Variants in LIMS1 observed in about 807,000 individuals in gnomAD.
LIMS1 encodes LIM and senescent cell antigen-like-containing domain protein 1.
In LIMS1, 18 loss-of-function variants were observed where a neutral mutation model predicts 44.1. That is an observed-to-expected ratio of 0.41 (90% CI 0.28 to 0.61). The LOEUF is 0.61. Among genes scored for constraint, LIMS1 ranks in the 20% least tolerant of loss-of-function variants. The pLI, the probability that LIMS1 is intolerant of heterozygous loss-of-function variation, is 0.32. For synonymous variants in LIMS1, 93 were observed against 149.1 expected, an observed-to-expected ratio of 0.62 and a Z score of 2.74; for missense variants, 201 against 422.0, an observed-to-expected ratio of 0.48 and a Z score of 4.59.
chr2:108,579,002 A>G (rs1685784285), intron 1 of LIMS1, among the ~76,000 whole-genome samples: 1 of 152,226 alleles, frequency 6.6e-6, no homozygotes, highest in Non-Finnish European at 1.5e-5. Context: ...TCAGGTTAGC[A>G]TCCTGGATTC....
chr2:108,675,479 G>A (rs1409403048), intron 5 of LIMS1, among the ~76,000 whole-genome samples: 1 of 152,150 alleles, frequency 6.6e-6, no homozygotes, highest in African/African-American at 2.4e-5. Flanking sequence ...CAGAATTGGG[G>A]ATCATGAACT....
intron 8 of LIMS1, among the ~76,000 whole-genome samples, chr2:108,678,947 G>A (rs1178577337): frequency 1.3e-5 from 2 of 152,168 alleles, no homozygotes; most frequent in Admixed American, 6.5e-5. Context: ...AGTTGCTGGT[G>A]TAAGACATGG....
intron 2 of LIMS1, among the ~76,000 whole-genome samples, chr2:108,667,412 C>T (rs1168207403): frequency 2.0e-5 from 3 of 151,888 alleles, no homozygotes; most frequent in African/African-American, 7.3e-5. Flanking sequence ...AGATTTTGAA[C>T]GCAGGCAGTC....
intron 1 of LIMS1, among the ~76,000 whole-genome samples, chr2:108,545,491 G>A (rs573911721): frequency 1.1e-4 from 16 of 152,204 alleles, no homozygotes; most frequent in African/African-American, 3.4e-4. Context: ...GCCTCGCCTC[G>A]GCTTCCCAAA....
At chr2:108,603,800 G>T (rs1237770236) in intron 1 of LIMS1, among the ~76,000 whole-genome samples, 1 of 151,752 alleles carries the variant, frequency 6.6e-6, no homozygotes, top group Non-Finnish European at 1.5e-5. Context: ...CTGACTAAAG[G>T]TTTATCAATT....
Position 108,552,355 on chromosome 2 carries a change from CTATA to C in LIMS1, c.32+17764_32+17767del, listed in dbSNP as rs577028714. Among the ~76,000 whole-genome samples the C allele has an allele frequency of 9.7e-3, 1,325 of 135,958 alleles. 6 individuals are homozygous for C. Among genetic ancestry groups the C allele is most frequent in the Non-Finnish European group, 0.016 (1,007 of 64,508 alleles). The allele number at this position is 135,958 out of a possible 152,430, so 89.2% of individuals were successfully genotyped here. A position where few individuals can be genotyped will look rare whatever the true frequency, so the allele number is the denominator to read the frequency against. On this transcript the variant is annotated intron_variant, in intron 1 of 9. Transcript: ENST00000544547. ...CTATACGTGTAGTATATATATGAAA[CTATA>C]TACTATACGTATAGTATATATATGA...
intron 1 of LIMS1, among the ~76,000 whole-genome samples, chr2:108,632,851 A>C (rs1253197167): frequency 6.6e-6 from 1 of 152,164 alleles, no homozygotes; most frequent in Non-Finnish European, 1.5e-5. Context: ...AAGTCTGTTT[A>C]TATAAGCAGT....
intron 1 of LIMS1, among the ~76,000 whole-genome samples, chr2:108,642,410 A>G (rs1689755960): frequency 8.3e-6 from 1 of 120,874 alleles, no homozygotes; most frequent in Non-Finnish European, 1.6e-5. Context: ...CCCAGGCTGG[A>G]GTGCAGTGGC....
intron 2 of LIMS1, among the ~76,000 whole-genome samples, chr2:108,669,881 T>C (rs576669206): frequency 6.6e-6 from 1 of 152,330 alleles, no homozygotes; most frequent in South Asian, 2.1e-4. Context: ...GATATGCTTT[T>C]CAAGTAAACA....
chr2:108,642,712 C>T (rs1457480964), intron 1 of LIMS1, among the ~76,000 whole-genome samples: 1 of 152,174 alleles, frequency 6.6e-6, no homozygotes, highest in Non-Finnish European at 1.5e-5. Context: ...CTGCTATTTT[C>T]ATGACTTTAT....
intron 1 of LIMS1, among the ~76,000 whole-genome samples, chr2:108,602,484 GT>G (rs371068584): frequency 5.3e-5 from 8 of 152,032 alleles, no homozygotes; most frequent in African/African-American, 1.9e-4. Flanking sequence ...TTTTTTGAGG[GT>G]TTTTTAAAAT....
intron 1 of LIMS1, among the ~76,000 whole-genome samples, chr2:108,536,308 A>G (rs1332126922): frequency 2.6e-5 from 4 of 152,204 alleles, no homozygotes; most frequent in Non-Finnish European, 5.9e-5. Context: ...TACCTATTAA[A>G]CAATAATTCT....
Position 108,672,894 on chromosome 2 carries a change from CCT to C in LIMS1, c.396_397del (p.Cys133SerfsTer2), listed in dbSNP as rs1274508759. ...ACTCTGTTTAGACACCTGTGTCGCC[CCT>C]GTCATAATCGTGAGAAAGCCAGAGG... On this transcript the variant is annotated frameshift_variant, in exon 5 of 10. Coordinates refer to ENST00000544547, the Ensembl canonical transcript of LIMS1. LOFTEE classifies it high-confidence loss of function. 1 of 842,526 alleles carries C rather than the reference CCT, an allele frequency of 1.2e-6. No homozygotes were observed. The highest frequency in any genetic ancestry group is 1.7e-6 in the Non-Finnish European group (1 of 572,566). 52.2% of individuals were successfully genotyped at this position (842,526 alleles called of 1,614,324 possible).
intron 3 of LIMS1, among the ~76,000 whole-genome samples, chr2:108,671,722 T>C (rs1692172725): frequency 1.3e-5 from 2 of 152,096 alleles, no homozygotes; most frequent in Admixed American, 1.3e-4. Flanking sequence ...TGACCAGAAA[T>C]AACCAAAAGG....
At chr2:108,674,186 C>T (rs188819274) in intron 5 of LIMS1, among the ~76,000 whole-genome samples, 1,830 of 151,462 alleles carry the variant, frequency 0.012, 44 homozygotes, top group African/African-American at 0.043. Flanking sequence ...AAAAATTAGC[C>T]GGGCACGGTG....
chr2:108,586,018 C>T (rs1183523374), intron 1 of LIMS1, among the ~76,000 whole-genome samples: 3 of 151,930 alleles, frequency 2.0e-5, no homozygotes, highest in Admixed American at 2.0e-4. Flanking sequence ...ACGGTGAAAC[C>T]CCATCTTACT....
intron 1 of LIMS1, among the ~76,000 whole-genome samples, chr2:108,623,516 G>A (rs904652727): frequency 5.9e-5 from 9 of 152,238 alleles, no homozygotes; most frequent in East Asian, 3.9e-4. Flanking sequence ...GTTATCTTGC[G>A]AATAGTGCCA....
At chr2:108,567,916 G>A (rs1246377597) in intron 1 of LIMS1, among the ~76,000 whole-genome samples, 1 of 152,138 alleles carries the variant, frequency 6.6e-6, no homozygotes, top group East Asian at 1.9e-4. Flanking sequence ...GTGGCAGGAG[G>A]TGCTACTTGC....
chr2:108,615,826 G>A (rs1456736088), intron 1 of LIMS1, among the ~76,000 whole-genome samples: 2 of 152,168 alleles, frequency 1.3e-5, no homozygotes, highest in Admixed American at 6.5e-5. Context: ...ACCTAATTCA[G>A]CCACTTCTGA....
Sources: gnomAD v4.1 joint callset for allele counts (sites outside exome capture counted in the v4.1 genomes callset) on GRCh38, gnomAD v4.1.1 for gene constraint, MANE v1.5 for transcripts, NCBI Gene and HGNC (gene_info 2026-07-23, HGNC 2026-07-21) for gene names.